HPCAL1: variants seen among roughly 807,000 people sequenced by gnomAD.
HPCAL1 encodes hippocalcin like 1, also known as hippocalcin-like protein 1.
In HPCAL1, 8 loss-of-function variants were observed where a neutral mutation model predicts 17.1. The ratio of observed to expected loss-of-function variants is 0.47; its 90% confidence interval spans 0.27 to 0.84. HPCAL1 has a LOEUF of 0.84. Ranked by LOEUF, HPCAL1 falls within the 40% of genes least tolerant of loss-of-function variation. The pLI is 0.13. For synonymous variants in HPCAL1, 112 were observed against 111.4 expected, an observed-to-expected ratio of 1.01 and a Z score of -0.03; for missense variants, 165 against 271.1, an observed-to-expected ratio of 0.61 and a Z score of 2.75.
rs551373415 is a variant in HPCAL1 at position 10,357,427 on chromosome 2, C to T, written c.-110-39408C>T. ...TACCTTATGTGGTGCTGATGTGGGC[C>T]AGGGAAGCTGTGGCAGGGGCCCGGG... On this transcript the variant is annotated intron_variant, in intron 1 of 4. Transcript: ENST00000307845. Among the ~76,000 whole-genome samples, 8 of 152,286 alleles carry T rather than the reference C, an allele frequency of 5.3e-5. No individual in the cohort carries two copies. In the East Asian group the frequency reaches 1.2e-3, roughly 22 times the overall value.
chr2:10,304,210 G>A lies in HPCAL1; in HGVS notation c.-111+1033G>A, dbSNP rs1662464662. 6.6e-6 allele frequency among the ~76,000 whole-genome samples: 1 copy of A among 151,860 alleles called. No individual in the cohort carries two copies. Reference sequence around the variant, plus strand: ...CCCCAGCCCCCAGGCTCCCGCGCAAGCGTGGGGGTCCCTCTCCTGGCCGGG... The same window carrying A: ...CCCCAGCCCCCAGGCTCCCGCGCAAACGTGGGGGTCCCTCTCCTGGCCGGG... On this transcript the variant is annotated intron_variant, in intron 1 of 4. Coordinates refer to ENST00000307845, the MANE Select transcript of HPCAL1 (RefSeq NM_002149.4). The surrounding 1 kb of genome is among the most constrained non-coding windows in gnomAD (Gnocchi z 4.1).
intron 2 of HPCAL1, among the ~76,000 whole-genome samples, chr2:10,399,222 A>G (rs1572815156): frequency 7.4e-6 from 1 of 135,346 alleles, no homozygotes; most frequent in African/African-American, 2.7e-5. Flanking sequence ...CACCACCACC[A>G]CCACCACCAC....
At chr2:10,424,961 G>A (rs1671309726) in intron 4 of HPCAL1, 1 of 242,672 alleles carries the variant, frequency 4.1e-6, no homozygotes, top group Non-Finnish European at 8.4e-6. Flanking sequence ...CAGCTTGTCA[G>A]GCCGCACATG....
chr2:10,390,963 C>A (rs576446379), intron 1 of HPCAL1, among the ~76,000 whole-genome samples: 17 of 152,214 alleles, frequency 1.1e-4, no homozygotes, highest in Non-Finnish European at 2.5e-4. Context: ...GGTCCGGCAC[C>A]ACCTTCAGTG....
chr2:10,407,119 G>A (rs1484064316), intron 2 of HPCAL1, among the ~76,000 whole-genome samples: 2 of 152,160 alleles, frequency 1.3e-5, no homozygotes, highest in African/African-American at 4.8e-5. Context: ...GGACCATATA[G>A]CTGGGATGTG....
rs1666379334 is a variant in HPCAL1 at position 10,359,308 on chromosome 2, G to A, written c.-110-37527G>A. On this transcript the variant is annotated intron_variant, in intron 1 of 4. Coordinates refer to ENST00000307845, the MANE Select transcript of HPCAL1 (RefSeq NM_002149.4). This position sits in a 1 kb window ranked among gnomAD's most constrained non-coding sequence, Gnocchi z 4.1. Reference sequence around the variant, plus strand: ...GGAGGTGGGCAGCTGGGGGCTCTCTGGACCCTGCGGCTGGCATGGGTTAGT... The same window carrying A: ...GGAGGTGGGCAGCTGGGGGCTCTCTAGACCCTGCGGCTGGCATGGGTTAGT... Among the ~76,000 whole-genome samples the A allele has an allele frequency of 6.6e-6, 1 of 152,206 alleles. No individual in the cohort carries two copies.
At chr2:10,357,317 C>T (rs555733016) in intron 1 of HPCAL1, among the ~76,000 whole-genome samples, 3 of 152,242 alleles carry the variant, frequency 2.0e-5, no homozygotes, top group Non-Finnish European at 4.4e-5. Flanking sequence ...GTTGTCAGCT[C>T]TCTCAGGTTT....
intron 1 of HPCAL1, among the ~76,000 whole-genome samples, chr2:10,334,144 G>A (rs1035797055): frequency 2.6e-5 from 4 of 152,192 alleles, no homozygotes; most frequent in African/African-American, 9.7e-5. Flanking sequence ...TGCTACACAT[G>A]TGCGTAACCT....
chr2:10,345,493 C>T (rs927114470), intron 1 of HPCAL1, among the ~76,000 whole-genome samples: 1 of 147,632 alleles, frequency 6.8e-6, no homozygotes, highest in Non-Finnish European at 1.5e-5. Flanking sequence ...CAGGGTCTTG[C>T]TGTCACCCAG....
chr2:10,328,796 A>G (rs1481395091), intron 1 of HPCAL1, among the ~76,000 whole-genome samples: 1 of 152,046 alleles, frequency 6.6e-6, no homozygotes, highest in Non-Finnish European at 1.5e-5. Context: ...AAGAACCCTG[A>G]CTAATACTTC....
rs533219377 is a variant in HPCAL1 at position 10,349,671 on chromosome 2, C to A, written c.-111+46494C>A. Among the ~76,000 whole-genome samples, 8 of 118,184 alleles carry A rather than the reference C, an allele frequency of 6.8e-5. No homozygotes were observed. In the East Asian group the frequency reaches 2.0e-3, roughly 29 times the overall value. The allele number at this position is 118,184 out of a possible 152,430, so 77.5% of individuals were successfully genotyped here. ...TGATCCGAGATCATGCCACTGCACTCCAGCCTGGGTGACAGAGCAAGACTC... is the reference window on the plus strand; with the variant it reads ...TGATCCGAGATCATGCCACTGCACTACAGCCTGGGTGACAGAGCAAGACTC... On this transcript the variant is annotated intron_variant, in intron 1 of 4. Coordinates refer to ENST00000307845, the MANE Select transcript of HPCAL1 (RefSeq NM_002149.4).
intron 1 of HPCAL1, among the ~76,000 whole-genome samples, chr2:10,366,165 G>A (rs897536523): frequency 3.3e-5 from 5 of 152,206 alleles, no homozygotes; most frequent in African/African-American, 7.2e-5. Flanking sequence ...GGGCACCAGG[G>A]CTCAAGGTCA....
At chr2:10,378,518 A>G (rs1272446179) in intron 1 of HPCAL1, among the ~76,000 whole-genome samples, 2 of 152,114 alleles carry the variant, frequency 1.3e-5, no homozygotes, top group Admixed American at 6.5e-5. Context: ...CCTGCTTTGC[A>G]GGTGGCTTTT....
At chr2:10,399,830 C>G (rs1047396828) in intron 2 of HPCAL1, among the ~76,000 whole-genome samples, 3 of 152,150 alleles carry the variant, frequency 2.0e-5, no homozygotes, top group African/African-American at 4.8e-5. Context: ...CTCCACGTCC[C>G]CAGACACTCA....
In HPCAL1 at chr2:10,344,657, G is replaced by C. The variant is rs1401745906; in HGVS notation, c.-111+41480G>C. ...TAAGACGGGCGTCCCACACTCCACA[G>C]TACTCTGCTCCCCCTTCCCTTCCTC... On this transcript the variant is annotated intron_variant, in intron 1 of 4. Transcript: ENST00000307845. The surrounding 1 kb of genome is among the most constrained non-coding windows in gnomAD (Gnocchi z 4.9). Among the ~76,000 whole-genome samples, 1 of 152,118 alleles carries C rather than the reference G, an allele frequency of 6.6e-6. No homozygotes were observed. The highest frequency in any genetic ancestry group is 2.4e-5 in the African/African-American group (1 of 41,400).
intron 1 of HPCAL1, among the ~76,000 whole-genome samples, chr2:10,356,842 C>G (rs999108265): frequency 6.6e-6 from 1 of 152,202 alleles, no homozygotes. Context: ...CCCACAGACT[C>G]CTCCCTGCGG....
intron 1 of HPCAL1, among the ~76,000 whole-genome samples, chr2:10,376,046 G>A (rs114375837): frequency 0.013 from 1,948 of 152,244 alleles, 50 homozygotes; most frequent in African/African-American, 0.044. Flanking sequence ...GAGCAATTTG[G>A]TCGATTAAAA....
chr2:10,415,710 A>G (rs1670620807), intron 2 of HPCAL1, among the ~76,000 whole-genome samples: 1 of 152,026 alleles, frequency 6.6e-6, no homozygotes, highest in African/African-American at 2.4e-5. Context: ...CATCCCTGTT[A>G]TTCGGGGGGA....
intron 1 of HPCAL1, among the ~76,000 whole-genome samples, chr2:10,345,205 C>G (rs1665353021): frequency 6.6e-6 from 1 of 152,082 alleles, no homozygotes; most frequent in Non-Finnish European, 1.5e-5. Context: ...CTGTCTGTCT[C>G]TTTCTTTCTG....
Sources: allele counts gnomAD v4.1 joint callset (sites outside exome capture counted in the v4.1 genomes callset), GRCh38; gene constraint gnomAD v4.1.1; non-coding constraint Gnocchi (gnomAD v3.1); transcripts MANE v1.5; gene names NCBI Gene and HGNC (gene_info 2026-07-23, HGNC 2026-07-21).